TPM3: variants seen among roughly 807,000 people sequenced by gnomAD.
TPM3 encodes the protein tropomyosin alpha-3 chain.
In TPM3, 16 loss-of-function variants were observed where a neutral mutation model predicts 43.1. The ratio of observed to expected loss-of-function variants is 0.37; its 90% CI spans 0.25 to 0.56. The LOEUF (loss-of-function observed/expected upper bound fraction) is 0.56. TPM3 is among the 20% of genes least tolerant of loss of function. The pLI is 0.77. For missense variants in TPM3, 176 were observed against 337.2 expected, an observed-to-expected ratio of 0.52 and a Z score of 3.74; for synonymous variants, 101 against 116.9, an observed-to-expected ratio of 0.86 and a Z score of 0.88.
At chr1:154,168,396 A>G (rs1019052997) in intron 9 of TPM3, among the ~76,000 whole-genome samples, 2 of 152,206 alleles carry the variant, frequency 1.3e-5, no homozygotes, top group African/African-American at 4.8e-5. Flanking sequence ...CTCTAGCAGT[A>G]TCCCTTCTGA....
At chr1:154,188,165 C>G (rs1229637341) in intron 2 of TPM3, among the ~76,000 whole-genome samples, 1 of 151,618 alleles carries the variant, frequency 6.6e-6, no homozygotes, top group Admixed American at 6.6e-5. Context: ...AAGCGATCCT[C>G]CCATCTCAGC....
In TPM3 at chr1:154,191,291, G is replaced by A; in HGVS notation, c.138C>T (p.Ala46=). ...CTGTCCCTTTCAGCTTCTTCTGCAT[G>A]GCTGCCAGCTCATCCTCCAGCTATA... The part of the protein sequence containing the change: ...RSKQLEDELA[A]MQKKLKGTED... Residue 46 remains alanine, a synonymous_variant, in exon 2 of 10, where the codon GCC becomes GCT. Coordinates refer to ENST00000651641, the MANE Select transcript of TPM3 (RefSeq NM_152263.4). The A allele has an allele frequency of 6.2e-7, 1 of 1,614,046 alleles. No homozygotes were observed.
At chr1:154,184,952 T>C (rs1198951893) in intron 2 of TPM3, among the ~76,000 whole-genome samples, 1 of 151,806 alleles carries the variant, frequency 6.6e-6, no homozygotes, top group African/African-American at 2.4e-5. Context: ...AGATCCTTCA[T>C]GCAACAGCCA....
chr1:154,170,726 G>A lies in TPM3; in HGVS notation c.643-15C>T, dbSNP rs757004480. 7 of 1,578,608 alleles carry A rather than the reference G, an allele frequency of 4.4e-6. No individual in the cohort carries two copies. The highest frequency in any genetic ancestry group is 5.2e-6 in the Non-Finnish European group (6 of 1,150,584). On this transcript the variant is annotated splice_polypyrimidine_tract_variant and intron_variant, in intron 6 of 9. Coordinates refer to ENST00000651641, the MANE Select transcript of TPM3 (RefSeq NM_152263.4). The stretch of plus-strand genomic sequence containing the variant: ...TTTTGAGAGTACTGTAAGATAAGTA[G>A]ATTAAAAATTTCAGAGTAGAAATTA...
At chr1:154,170,880 ATCTATG>A (rs1331504560) in intron 6 of TPM3, 169 bp from the exon 7 acceptor site, 3 of 632,534 alleles carry the variant, frequency 4.7e-6, no homozygotes, top group South Asian at 1.8e-5. Context: ...AAATTCAGAA[ATCTATG>A]TCTTTAGAGC....
At chr1:154,175,192 G>A (rs370248216) in intron 3 of TPM3, among the ~76,000 whole-genome samples, 2 of 152,122 alleles carry the variant, frequency 1.3e-5, no homozygotes, top group Admixed American at 6.5e-5. Context: ...TTAGCCGGGC[G>A]TGGTGGCGGA....
intron 2 of TPM3, among the ~76,000 whole-genome samples, chr1:154,188,013 G>C (rs1663483759): frequency 6.6e-6 from 1 of 151,344 alleles, no homozygotes; most frequent in African/African-American, 2.5e-5. Context: ...TTGTTTGTTT[G>C]TTTGTTTTGT....
chr1:154,182,393 T>G (rs957110940), intron 2 of TPM3, among the ~76,000 whole-genome samples: 1 of 152,180 alleles, frequency 6.6e-6, no homozygotes, highest in Admixed American at 6.5e-5. Flanking sequence ...TCCTGTGGCC[T>G]CGAGCTCCTC....
chr1:154,191,496 A>G lies in TPM3; in HGVS notation c.118-185T>C, dbSNP rs927981771. 3.8e-6 allele frequency: 5 copies of G among 1,312,676 alleles called. No homozygotes were observed. The African/African-American group carries it at 7.3e-5, about 19-fold the overall frequency. 81.3% of individuals were successfully genotyped at this position (1,312,676 alleles called of 1,614,324 possible). On this transcript the variant is annotated intron_variant, in intron 1 of 9. Transcript: ENST00000651641. The stretch of plus-strand genomic sequence containing the variant: ...GCCGTAGCTTGGCCTGTGACCCTGT[A>G]ATCTCTGATCCTAAGATGACCAAGC...
At chr1:154,159,259 A>T (rs528351545), downstream of TPM3, among the ~76,000 whole-genome samples, 3 of 152,338 alleles carry the variant, frequency 2.0e-5, no homozygotes, top group East Asian at 5.8e-4. Context: ...GGAAAGACCA[A>T]CAGAGGAAAT....
chr1:154,162,780 C>T lies in TPM3; in HGVS notation c.*5157G>A, dbSNP rs1660517398. Among the ~76,000 whole-genome samples, 1 of 152,228 alleles carries T rather than the reference C, an allele frequency of 6.6e-6. No individual in the cohort carries two copies. On this transcript the variant is annotated 3_prime_UTR_variant, in exon 10 of 10. Coordinates refer to ENST00000651641, the MANE Select transcript of TPM3 (RefSeq NM_152263.4). Reference sequence around the variant, plus strand: ...TAATTACATAGTACTTCATTGTCCACTTTGGTACCCCAGTTTGTTGGTCTC... The same window carrying T: ...TAATTACATAGTACTTCATTGTCCATTTTGGTACCCCAGTTTGTTGGTCTC...
chr1:154,180,728 T>G (rs1662845478), intron 2 of TPM3, among the ~76,000 whole-genome samples: 1 of 151,614 alleles, frequency 6.6e-6, no homozygotes, highest in South Asian at 2.1e-4. Flanking sequence ...GCCAACATGG[T>G]GAAACCCCAT....
Position 154,173,259 on chromosome 1 carries a change from A to G in TPM3, c.378-58T>C. 4.3e-6 allele frequency: 6 copies of G among 1,401,428 alleles called. No individual in the cohort carries two copies. In the South Asian group the frequency reaches 6.9e-5, roughly 16 times the overall value. The allele number at this position is 1,401,428 out of a possible 1,614,324, so 86.8% of individuals were successfully genotyped here. On this transcript the variant is annotated intron_variant, in intron 3 of 9. Coordinates refer to ENST00000651641, the MANE Select transcript of TPM3 (RefSeq NM_152263.4). ...CCCTGAGGAGTGTGTCGTCAGCTCC[A>G]CTCCAAGGGTCTCAGAACTGTACTT...
intron 2 of TPM3, among the ~76,000 whole-genome samples, chr1:154,179,381 CA>C (rs1662691479): frequency 6.6e-6 from 1 of 152,052 alleles, no homozygotes; most frequent in Non-Finnish European, 1.5e-5. Context: ...GCAAAGCAAC[CA>C]AAGAAAGGTT....
At position 154,162,036 on chromosome 1, in the gene TPM3, C is replaced by G. The variant is rs1287850337; in HGVS notation, c.*5901G>C. The stretch of plus-strand genomic sequence containing the variant: ...ACAAACGAAAAGGCAAGGCAGAGAA[C>G]CTATTTGGTCTAGCGTTCTTTTCAG... On this transcript the variant is annotated 3_prime_UTR_variant, in exon 10 of 10. Transcript: ENST00000651641. Among the ~76,000 whole-genome samples the G allele has an allele frequency of 2.0e-5, 3 of 152,090 alleles. No individual in the cohort carries two copies. The highest frequency in any genetic ancestry group is 6.6e-5 in the Admixed American group (1 of 15,252).
intron 2 of TPM3, among the ~76,000 whole-genome samples, chr1:154,176,759 C>T (rs1662381309): frequency 6.6e-6 from 1 of 151,418 alleles, no homozygotes; most frequent in African/African-American, 2.4e-5. Flanking sequence ...GCGGGTGGAT[C>T]ATGAGGTCAG....
chr1:154,187,748 T>G (rs1663473555), intron 2 of TPM3, among the ~76,000 whole-genome samples: 1 of 151,594 alleles, frequency 6.6e-6, no homozygotes, highest in Admixed American at 6.5e-5. Flanking sequence ...GTTCTTTTTC[T>G]TGCTCCTGGA....
rs1183489416 is a variant in TPM3 at position 154,163,690 on chromosome 1, G to A, written c.*4247C>T. ...GCTCTGTCACCCAGGCTGGAATGCCGTGGCACAATCTCAGCTCACTACAAG... is the reference window on the plus strand; with the variant it reads ...GCTCTGTCACCCAGGCTGGAATGCCATGGCACAATCTCAGCTCACTACAAG... On this transcript the variant is annotated 3_prime_UTR_variant, in exon 10 of 10. Coordinates refer to ENST00000651641, the MANE Select transcript of TPM3 (RefSeq NM_152263.4). Among the ~76,000 whole-genome samples the A allele has an allele frequency of 6.6e-6, 1 of 151,928 alleles. No individual in the cohort carries two copies. Among genetic ancestry groups the A allele is most frequent in the Non-Finnish European group, 1.5e-5 (1 of 68,012 alleles).
chr1:154,160,331 T>C (rs1660218549), downstream of TPM3, among the ~76,000 whole-genome samples: 1 of 152,226 alleles, frequency 6.6e-6, no homozygotes, highest in Admixed American at 6.5e-5. Flanking sequence ...ATCATCTGCA[T>C]ATGTGAGCAT....
Sources: allele counts gnomAD v4.1 joint callset (sites outside exome capture counted in the v4.1 genomes callset), GRCh38; gene constraint gnomAD v4.1.1; transcripts MANE v1.5; gene names NCBI Gene and HGNC (gene_info 2026-07-23, HGNC 2026-07-21).